ZNF804B: variants seen among roughly 807,000 people sequenced by gnomAD.
ZNF804B encodes the protein zinc finger 804B.
ZNF804B carries 80 observed loss-of-function variants against 101.4 expected under a neutral mutation model. The ratio of observed to expected loss-of-function variants is 0.79; its 90% CI spans 0.66 to 0.95. The LOEUF (loss-of-function observed/expected upper bound fraction) is 0.95, where lower values mean the gene tolerates loss of function less well. Among genes scored for constraint, ZNF804B ranks in the 40% least tolerant of loss-of-function variants. The pLI is 0.00. For missense variants in ZNF804B, 1,673 were observed against 1,561.9 expected, an observed-to-expected ratio of 1.07 and a Z score of -1.20; for synonymous variants, 622 against 558.8, an observed-to-expected ratio of 1.11 and a Z score of -1.59.
chr7:89,186,071 CTT>C (rs1264201248), intron 1 of ZNF804B, among the ~76,000 whole-genome samples: 1 of 151,596 alleles, frequency 6.6e-6, no homozygotes, highest in Non-Finnish European at 1.5e-5. Flanking sequence ...AAAGTTAACT[CTT>C]AGGAAGAAAA....
chr7:89,115,657 T>C (rs777560823), intron 1 of ZNF804B, among the ~76,000 whole-genome samples: 42 of 152,226 alleles, frequency 2.8e-4, no homozygotes, highest in Non-Finnish European at 5.3e-4. Flanking sequence ...AACTTCTCTA[T>C]GTATACTTCA....
chr7:88,760,137 A>C, intron 1 of ZNF804B, 53 bp downstream of exon 1: 2 of 1,430,374 alleles, frequency 1.4e-6, no homozygotes, highest in Non-Finnish European at 9.9e-7. Flanking sequence ...CTCAACACAA[A>C]CAAAAAGATA....
chr7:89,229,759 A>G (rs1252826800), intron 2 of ZNF804B, among the ~76,000 whole-genome samples: 1 of 152,230 alleles, frequency 6.6e-6, no homozygotes, highest in Non-Finnish European at 1.5e-5. Context: ...GCATAAGAGT[A>G]TACATTCGTC....
chr7:89,215,958 T>G (rs1046274531), intron 1 of ZNF804B, among the ~76,000 whole-genome samples: 7 of 151,776 alleles, frequency 4.6e-5, no homozygotes, highest in African/African-American at 1.5e-4. Context: ...AAGGAATCCC[T>G]AGTTTCAATC....
At chr7:88,938,374 T>C (rs1347591377) in intron 1 of ZNF804B, among the ~76,000 whole-genome samples, 1 of 152,094 alleles carries the variant, frequency 6.6e-6, no homozygotes, top group Non-Finnish European at 1.5e-5. Flanking sequence ...GCTATGTTAA[T>C]AGAGCTTCTT....
At chr7:88,880,441 C>T (rs577929103) in intron 1 of ZNF804B, among the ~76,000 whole-genome samples, 11 of 152,124 alleles carry the variant, frequency 7.2e-5, no homozygotes, top group African/African-American at 1.4e-4. Flanking sequence ...CCAAAAACAC[C>T]GTGGTTATAA....
At chr7:89,326,414 C>T (rs993008305) in intron 2 of ZNF804B, among the ~76,000 whole-genome samples, 5 of 152,066 alleles carry the variant, frequency 3.3e-5, no homozygotes, top group African/African-American at 9.7e-5. Context: ...AGTATTATTA[C>T]GTCACATGAT....
chr7:88,787,609 G>C (rs1344103712), intron 1 of ZNF804B, among the ~76,000 whole-genome samples: 1 of 152,120 alleles, frequency 6.6e-6, no homozygotes, highest in Non-Finnish European at 1.5e-5. Flanking sequence ...GTCACCATAT[G>C]ATGGGAACTT....
chr7:88,837,740 T>C (rs1791235668), intron 1 of ZNF804B, among the ~76,000 whole-genome samples: 1 of 151,880 alleles, frequency 6.6e-6, no homozygotes, highest in East Asian at 1.9e-4. Context: ...TGCGTATCTA[T>C]GTGAGACTGA....
At chr7:89,106,931 T>C (rs1790145199) in intron 1 of ZNF804B, among the ~76,000 whole-genome samples, 1 of 152,228 alleles carries the variant, frequency 6.6e-6, no homozygotes, top group South Asian at 2.1e-4. Flanking sequence ...GTTTTGGAGC[T>C]GTAAGGATTT....
In ZNF804B at chr7:88,854,430, T is replaced by TTC. The variant is rs1791505861; in HGVS notation, c.108+94346_108+94347insTC. 1.1e-4 allele frequency among the ~76,000 whole-genome samples: 10 copies of TTC among 87,910 alleles called. 1 individual carries two copies. In the South Asian group the frequency reaches 1.6e-3, roughly 14 times the overall value. The allele number at this position is 87,910 out of a possible 152,430, so 57.7% of individuals were successfully genotyped here. A position where few individuals can be genotyped will look rare whatever the true frequency, so the allele number is the denominator to read the frequency against. ...TTCTTTCTTCCTTTCTTTCTTTCTTTCTTTCTTTCTTTCTTTCTTTCTTTC... is the reference window on the plus strand; with the variant it reads ...TTCTTTCTTCCTTTCTTTCTTTCTTTTCCTTTCTTTCTTTCTTTCTTTCTTTC... On this transcript the variant is annotated intron_variant, in intron 1 of 3. Coordinates refer to ENST00000333190, the MANE Select transcript of ZNF804B (RefSeq NM_181646.5).
chr7:88,946,671 G>T (rs1437576755), intron 1 of ZNF804B, among the ~76,000 whole-genome samples: 2 of 151,560 alleles, frequency 1.3e-5, no homozygotes, highest in African/African-American at 4.8e-5. Flanking sequence ...AGTTTCAGAA[G>T]GAATGGTACC....
chr7:89,328,954 G>C (rs1041444885), intron 3 of ZNF804B, among the ~76,000 whole-genome samples: 2 of 151,732 alleles, frequency 1.3e-5, no homozygotes, highest in African/African-American at 4.8e-5. Flanking sequence ...CATGGTGATG[G>C]TGATGATGAT....
chr7:89,120,509 T>G (rs1583998175), intron 1 of ZNF804B, among the ~76,000 whole-genome samples: 1 of 151,104 alleles, frequency 6.6e-6, no homozygotes, highest in Non-Finnish European at 1.5e-5. Context: ...TACAAAAAAA[T>G]TAGCCGGGCG....
At chr7:88,872,445 T>A (rs1373625217) in intron 1 of ZNF804B, among the ~76,000 whole-genome samples, 1 of 152,068 alleles carries the variant, frequency 6.6e-6, no homozygotes, top group Non-Finnish European at 1.5e-5. Context: ...TCCATGATAT[T>A]TCTTTTTTTT....
chr7:88,764,409 T>C (rs1789949015), intron 1 of ZNF804B, among the ~76,000 whole-genome samples: 1 of 152,162 alleles, frequency 6.6e-6, no homozygotes, highest in Non-Finnish European at 1.5e-5. Flanking sequence ...TTGGGGATTG[T>C]CATCAAAGTG....
chr7:89,265,289 T>TGC (rs1255212944), intron 2 of ZNF804B, among the ~76,000 whole-genome samples: 11,160 of 118,334 alleles, frequency 0.094, 430 homozygotes, highest in Middle Eastern at 0.17. Context: ...TGTGTGTGTG[T>TGC]GTGTGCGCGT....
intron 1 of ZNF804B, among the ~76,000 whole-genome samples, chr7:88,801,487 C>T (rs1026794084): frequency 2.0e-5 from 3 of 152,024 alleles, no homozygotes; most frequent in African/African-American, 7.2e-5. Context: ...TAGAGGCACC[C>T]AGAGCCCTTT....
At chr7:88,893,096 C>A (rs1396451951) in intron 1 of ZNF804B, among the ~76,000 whole-genome samples, 1 of 152,022 alleles carries the variant, frequency 6.6e-6, no homozygotes, top group East Asian at 1.9e-4. Context: ...TGCTTCTTAT[C>A]CCTCAAGCAC....
Sources: gnomAD v4.1 joint callset for allele counts (sites outside exome capture counted in the v4.1 genomes callset) on GRCh38, gnomAD v4.1.1 for gene constraint, MANE v1.5 for transcripts, NCBI Gene and HGNC (gene_info 2026-07-23, HGNC 2026-07-21) for gene names.